RAP1GAP2: variants seen among roughly 807,000 people sequenced by gnomAD.
RAP1GAP2 encodes RAP1 GTPase activating protein 2.
In RAP1GAP2, 27 loss-of-function variants were observed where a neutral mutation model predicts 95.0. The ratio of observed to expected loss-of-function variants is 0.28; its 90% CI spans 0.21 to 0.39. RAP1GAP2 has a LOEUF of 0.39. Ranked by LOEUF, RAP1GAP2 falls within the 10% of genes least tolerant of loss-of-function variation. The pLI, the probability that RAP1GAP2 is intolerant of heterozygous loss-of-function variation, is 1.00. For missense variants in RAP1GAP2, 771 were observed against 970.0 expected, an observed-to-expected ratio of 0.79 and a Z score of 2.72; for synonymous variants, 373 against 380.9, an observed-to-expected ratio of 0.98 and a Z score of 0.24.
At chr17:2,945,280 T>C (rs182856659) in intron 3 of RAP1GAP2, among the ~76,000 whole-genome samples, 64 of 152,344 alleles carry the variant, frequency 4.2e-4, no homozygotes, top group African/African-American at 1.3e-3. Context: ...CTTTTCTGAT[T>C]GTGTCTCTCC....
At chr17:2,798,693 G>C (rs1403643684) in intron 1 of RAP1GAP2, among the ~76,000 whole-genome samples, 1 of 152,150 alleles carries the variant, frequency 6.6e-6, no homozygotes, top group Non-Finnish European at 1.5e-5. Context: ...AGGAGCCTTG[G>C]CTTCCTGAAA....
intron 11 of RAP1GAP2, 126 bp from the exon 12 acceptor site, chr17:2,991,170 AT>A: frequency 2.7e-6 from 2 of 730,574 alleles, no homozygotes; most frequent in Non-Finnish European, 4.7e-6. Flanking sequence ...GAGGGCAGCT[AT>A]GGTGGATGTG....
intron 17 of RAP1GAP2, among the ~76,000 whole-genome samples, chr17:3,012,618 A>C (rs1324989732): frequency 1.3e-3 from 198 of 151,454 alleles, no homozygotes; most frequent in Non-Finnish European, 2.4e-3. Context: ...AAAAAAAAAA[A>C]AAAAAAAAAA....
intron 3 of RAP1GAP2, among the ~76,000 whole-genome samples, chr17:2,927,141 C>T (rs2042982065): frequency 6.6e-6 from 1 of 151,974 alleles, no homozygotes; most frequent in African/African-American, 2.4e-5. Context: ...GTTTTCAAGG[C>T]CAGCCACGCT....
At chr17:2,934,930 C>T (rs1441011093) in intron 3 of RAP1GAP2, among the ~76,000 whole-genome samples, 6 of 152,182 alleles carry the variant, frequency 3.9e-5, no homozygotes, top group Non-Finnish European at 7.3e-5. Flanking sequence ...AAAACCAACT[C>T]GAGTGCCGTG....
intron 9 of RAP1GAP2, among the ~76,000 whole-genome samples, 154 bp downstream of exon 9, chr17:2,980,519 G>A (rs114198563): frequency 7.2e-5 from 11 of 152,304 alleles, no homozygotes; most frequent in African/African-American, 2.4e-4. Context: ...ATAGGGGTCT[G>A]GGAGGGCTGT....
intron 19 of RAP1GAP2, among the ~76,000 whole-genome samples, chr17:3,021,278 A>G (rs1030212166): frequency 6.6e-6 from 1 of 152,000 alleles, no homozygotes; most frequent in Non-Finnish European, 1.5e-5. Flanking sequence ...TATTTCTTCT[A>G]TCTAACTGTA....
intron 3 of RAP1GAP2, among the ~76,000 whole-genome samples, chr17:2,940,341 T>TGGCAGAGGGC (rs2043448855): frequency 3.3e-5 from 5 of 152,140 alleles, no homozygotes; most frequent in African/African-American, 9.7e-5. Context: ...TCGAGGTGGG[T>TGGCAGAGGGC]CCTGGCAGAG....
Position 2,983,954 on chromosome 17 carries a change from T to C in RAP1GAP2, c.730-1029T>C, listed in dbSNP as rs368378609. Among the ~76,000 whole-genome samples the C allele has an allele frequency of 1.7e-4, 26 of 152,338 alleles. No homozygotes were observed. In the East Asian group the frequency reaches 1.9e-3, roughly 11 times the overall value. ...AGCTGCTCTGTGCTCAGTTCTTTCT[T>C]TTTGAATCTTCATAACCACACATCT... is the stretch of plus-strand genomic sequence containing the variant. On this transcript the variant is annotated intron_variant, in intron 10 of 24. Transcript: ENST00000254695.
chr17:2,824,924 A>G (rs1429926067), intron 2 of RAP1GAP2, among the ~76,000 whole-genome samples: 1 of 151,968 alleles, frequency 6.6e-6, no homozygotes, highest in East Asian at 1.9e-4. Context: ...TTACCCCAAA[A>G]CGTATCATGC....
In RAP1GAP2 at chr17:2,957,764, G is replaced by T; in HGVS notation, c.171G>T (p.Ser57=). 6.2e-7 allele frequency: 1 copy of T among 1,607,460 alleles called. No individual in the cohort carries two copies. Among genetic ancestry groups the T allele is most frequent in the Non-Finnish European group, 8.5e-7 (1 of 1,176,736 alleles). ...PLTAPPTMKS[S]EFFEMLEKMQ... ...CCCCTGCTTTTGTCTTTCAGTCGTCGGAGTTCTTTGAGATGCTGGAGAAAA... is the reference window on the plus strand; with the variant it reads ...CCCCTGCTTTTGTCTTTCAGTCGTCTGAGTTCTTTGAGATGCTGGAGAAAA... The change falls in exon 4 of 25, where the codon TCG becomes TCT. Residue 57 remains serine, a synonymous_variant. Transcript: ENST00000254695.
At chr17:2,846,162 A>G in intron 2 of RAP1GAP2, among the ~76,000 whole-genome samples, 7 of 151,370 alleles carry the variant, frequency 4.6e-5, no homozygotes, top group Admixed American at 6.6e-5. Flanking sequence ...CACCCTGGGC[A>G]ACAGTGCGAG....
At chr17:2,770,529 A>C (rs947839083) in intron 2 of RAP1GAP2, 2 of 397,898 alleles carry the variant, frequency 5.0e-6, no homozygotes, top group Non-Finnish European at 8.9e-6. Flanking sequence ...TGAGCTCCGC[A>C]CTGGTCCACA....
At chr17:2,800,696 G>C (rs770177510) in intron 2 of RAP1GAP2, 146 bp downstream of exon 2, 8 of 873,684 alleles carry the variant, frequency 9.2e-6, no homozygotes, top group Non-Finnish European at 1.5e-5. Flanking sequence ...TTCCAGATCG[G>C]AGGAGGCTGG....
Position 2,870,666 on chromosome 17 carries a change from C to T in RAP1GAP2, c.81-34618C>T, listed in dbSNP as rs1432118866. ...CTGTTTCTCTGTATTGTAACAAAGG[C>T]GGGATTATACTTTAGGTACAGTACA... On this transcript the variant is annotated intron_variant, in intron 2 of 24. Coordinates refer to ENST00000254695, the MANE Select transcript of RAP1GAP2 (RefSeq NM_015085.5). The surrounding 1 kb of genome is among the most constrained non-coding windows in gnomAD (Gnocchi z 4.4). 6.6e-6 allele frequency among the ~76,000 whole-genome samples: 1 copy of T among 151,980 alleles called. No homozygotes were observed. The highest frequency in any genetic ancestry group is 1.5e-5 in the Non-Finnish European group (1 of 68,030).
intron 4 of RAP1GAP2, 135 bp downstream of exon 4, chr17:2,957,929 T>C: frequency 1.0e-6 from 1 of 976,246 alleles, no homozygotes; most frequent in Non-Finnish European, 1.4e-6. Flanking sequence ...TGCATCCCCT[T>C]GGCCCAGACA....
At chr17:2,969,181 A>ATCTATCTATCTATCTATC (rs146508761) in intron 8 of RAP1GAP2, among the ~76,000 whole-genome samples, 14,942 of 146,900 alleles carry the variant, frequency 0.1, 770 homozygotes, top group Admixed American at 0.11. Context: ...CTATCTATCT[A>ATCTATCTATCTATCTATC]TATATATATA....
chr17:2,803,059 T>C (rs934295483), intron 2 of RAP1GAP2, among the ~76,000 whole-genome samples: 1 of 152,098 alleles, frequency 6.6e-6, no homozygotes, highest in African/African-American at 2.4e-5. Context: ...GTCAGAGTGT[T>C]CTTTTGGTGC....
chr17:2,820,891 G>GTTTTTTTTTTTTTTTTTTTTTTTTTTT lies in RAP1GAP2; in HGVS notation c.80+20341_80+20342insTTTTTTTTTTTTTTTTTTTTTTTTTTT, dbSNP rs1475267891. ...TGCCCGCCACCACGGCCCGGATAAT[G>GTTTTTTTTTTTTTTTTTTTTTTTTTTT]GTTTTTTTTTTTTTTTTTGTATTTT... On this transcript the variant is annotated intron_variant, in intron 2 of 24. Transcript: ENST00000254695. Among the ~76,000 whole-genome samples, 70 of 113,968 alleles carry GTTTTTTTTTTTTTTTTTTTTTTTTTTT rather than the reference G, an allele frequency of 6.1e-4. 7 individuals are homozygous for GTTTTTTTTTTTTTTTTTTTTTTTTTTT. The highest frequency in any genetic ancestry group is 1.4e-3 in the Admixed American group (14 of 9,794). The allele number at this position is 113,968 out of a possible 152,430, so 74.8% of individuals were successfully genotyped here.
Sources: allele counts gnomAD v4.1 joint callset (sites outside exome capture counted in the v4.1 genomes callset), GRCh38; gene constraint gnomAD v4.1.1; non-coding constraint Gnocchi (gnomAD v3.1); transcripts MANE v1.5; gene names NCBI Gene and HGNC (gene_info 2026-07-23, HGNC 2026-07-21).